The following SPATA16 variants were observed in gnomAD, a reference collection of about 807,000 sequenced individuals.
SPATA16 encodes the protein spermatogenesis-associated protein 16.
A neutral mutation model predicts 63.3 loss-of-function variants in SPATA16; 36 were observed. The ratio of observed to expected loss-of-function variants is 0.57; its 90% CI spans 0.44 to 0.75. The LOEUF (loss-of-function observed/expected upper bound fraction) is 0.75, where lower values mean the gene tolerates loss of function less well. Ranked by LOEUF, SPATA16 falls within the 30% of genes least tolerant of loss-of-function variation. The pLI is 0.00. For missense variants in SPATA16, 646 were observed against 679.3 expected, an observed-to-expected ratio of 0.95 and a Z score of 0.54; for synonymous variants, 203 against 216.7, an observed-to-expected ratio of 0.94 and a Z score of 0.56.
chr3:172,979,054 G>A (rs746166516), intron 4 of SPATA16, among the ~76,000 whole-genome samples: 21 of 152,066 alleles, frequency 1.4e-4, no homozygotes, highest in Non-Finnish European at 2.6e-4. Flanking sequence ...TGGCTAACAC[G>A]GTGAAACCCC....
intron 2 of SPATA16, among the ~76,000 whole-genome samples, chr3:173,106,302 T>C (rs1171134464): frequency 6.6e-6 from 1 of 152,192 alleles, no homozygotes; most frequent in African/African-American, 2.4e-5. Context: ...AATTCCTTCC[T>C]ATTTTACCTT....
At chr3:172,957,749 G>GA (rs1340622410) in intron 5 of SPATA16, among the ~76,000 whole-genome samples, 2 of 151,996 alleles carry the variant, frequency 1.3e-5, no homozygotes, top group African/African-American at 2.4e-5. Flanking sequence ...TTTCAACAGA[G>GA]AAAAAACCAT....
At chr3:173,002,765 A>T (rs1482126467) in intron 4 of SPATA16, among the ~76,000 whole-genome samples, 1 of 152,222 alleles carries the variant, frequency 6.6e-6, no homozygotes, top group Admixed American at 6.5e-5. Flanking sequence ...CAACATATTC[A>T]TATATGGAAA....
chr3:172,890,662 T>C (rs532497742), intron 10 of SPATA16, among the ~76,000 whole-genome samples: 2 of 152,066 alleles, frequency 1.3e-5, no homozygotes, highest in East Asian at 1.9e-4. Flanking sequence ...TAATTCAGAT[T>C]GTCAAAAAGA....
chr3:172,965,630 A>G (rs1184310861), intron 5 of SPATA16, among the ~76,000 whole-genome samples: 1 of 151,226 alleles, frequency 6.6e-6, no homozygotes, highest in African/African-American at 2.4e-5. Flanking sequence ...ATTTTTCTTT[A>G]TTATTTATTA....
chr3:172,989,695 G>A (rs186666239), intron 4 of SPATA16, among the ~76,000 whole-genome samples: 2 of 152,248 alleles, frequency 1.3e-5, no homozygotes, highest in Admixed American at 1.3e-4. Flanking sequence ...CTGATACTTG[G>A]GAAGCACTCA....
At chr3:173,126,861 C>T (rs1400729319) in intron 1 of SPATA16, among the ~76,000 whole-genome samples, 1 of 152,160 alleles carries the variant, frequency 6.6e-6, no homozygotes, top group African/African-American at 2.4e-5. Context: ...AAATTGTTGT[C>T]ACAATTTCCA....
chr3:172,927,877 A>T (rs1178251469), intron 6 of SPATA16, among the ~76,000 whole-genome samples: 1 of 152,068 alleles, frequency 6.6e-6, no homozygotes, highest in Non-Finnish European at 1.5e-5. Flanking sequence ...ATCTTAACAT[A>T]CAGATTGCAA....
chr3:173,080,533 C>T lies in SPATA16; in HGVS notation c.613-31439G>A, dbSNP rs568390551. 1.2e-4 allele frequency among the ~76,000 whole-genome samples: 18 copies of T among 152,126 alleles called. 1 individual carries two copies. In the South Asian group the frequency reaches 3.5e-3, roughly 30 times the overall value. On this transcript the variant is annotated intron_variant, in intron 2 of 10. Transcript: ENST00000351008. ...GCGGAGAGAGGAAGGATGAGGATGA[C>T]GGGAAAGTGAGGCCCAGTGGAGCAG...
intron 10 of SPATA16, among the ~76,000 whole-genome samples, chr3:172,891,000 A>C (rs1362757324): frequency 6.7e-6 from 1 of 150,090 alleles, no homozygotes; most frequent in East Asian, 1.9e-4. Flanking sequence ...ATATACACGC[A>C]CACACATACA....
chr3:173,110,658 T>C (rs994194606), intron 2 of SPATA16, among the ~76,000 whole-genome samples: 6 of 152,228 alleles, frequency 3.9e-5, no homozygotes, highest in African/African-American at 1.4e-4. Context: ...TTATCTATCA[T>C]TTCTACTTAA....
At chr3:172,995,699 A>C (rs1734678041) in intron 4 of SPATA16, among the ~76,000 whole-genome samples, 1 of 152,124 alleles carries the variant, frequency 6.6e-6, no homozygotes, top group African/African-American at 2.4e-5. Flanking sequence ...TAGAACTGAT[A>C]CTCTTAAACA....
intron 10 of SPATA16, among the ~76,000 whole-genome samples, chr3:172,909,163 C>T (rs1478866668): frequency 6.6e-6 from 1 of 152,184 alleles, no homozygotes; most frequent in Non-Finnish European, 1.5e-5. Context: ...GAGGCCTTGA[C>T]TTTACTATCC....
chr3:172,988,314 TA>T (rs1734500716), intron 4 of SPATA16, among the ~76,000 whole-genome samples: 1 of 152,230 alleles, frequency 6.6e-6, no homozygotes, highest in Non-Finnish European at 1.5e-5. Flanking sequence ...TAAAGTGACG[TA>T]AAACATCTGA....
At chr3:173,003,041 G>A (rs541707201) in intron 4 of SPATA16, among the ~76,000 whole-genome samples, 1 of 152,196 alleles carries the variant, frequency 6.6e-6, no homozygotes, top group South Asian at 2.1e-4. Flanking sequence ...AAAGAAACCT[G>A]ATTATATTTG....
intron 5 of SPATA16, among the ~76,000 whole-genome samples, chr3:172,960,388 G>A (rs1017342263): frequency 1.2e-4 from 18 of 152,142 alleles, no homozygotes; most frequent in African/African-American, 3.9e-4. Context: ...TTTCTCTGCT[G>A]TTACTCAAAA....
intron 2 of SPATA16, among the ~76,000 whole-genome samples, chr3:173,079,258 A>G (rs1736874977): frequency 6.6e-6 from 1 of 152,082 alleles, no homozygotes; most frequent in African/African-American, 2.4e-5. Context: ...ATATGCAGTC[A>G]TCATTATGAC....
At chr3:172,897,797 A>G (rs1732038890) in intron 10 of SPATA16, among the ~76,000 whole-genome samples, 1 of 152,052 alleles carries the variant, frequency 6.6e-6, no homozygotes, top group African/African-American at 2.4e-5. Flanking sequence ...ACTATGTTGA[A>G]TAAGAGTGGT....
At chr3:173,006,333 C>T (rs1734945594) in intron 4 of SPATA16, among the ~76,000 whole-genome samples, 1 of 152,114 alleles carries the variant, frequency 6.6e-6, no homozygotes, top group South Asian at 2.1e-4. Flanking sequence ...TGGTGAAATG[C>T]CTTGAATAAA....
Sources: allele counts gnomAD v4.1 joint callset (sites outside exome capture counted in the v4.1 genomes callset), GRCh38; gene constraint gnomAD v4.1.1; transcripts MANE v1.5; gene names NCBI Gene and HGNC (gene_info 2026-07-23, HGNC 2026-07-21).